Variants in SEPTIN9 observed in about 807,000 individuals in gnomAD.
SEPTIN9 encodes the protein septin-9.
Under a neutral mutation model 56.6 loss-of-function variants are expected in SEPTIN9, and 13 were observed. The observed-to-expected ratio is 0.23, with a 90% confidence interval of 0.15 to 0.37. The LOEUF is 0.37. SEPTIN9 is among the 10% of genes least tolerant of loss of function. The probability of loss-of-function intolerance (pLI) is 1.00; values close to 1 mark genes in which losing one functional copy is unlikely to be tolerated. For missense variants in SEPTIN9, 650 were observed against 823.1 expected (o/e 0.79, Z 2.57); for synonymous variants, 332 against 334.1 (o/e 0.99, Z 0.07).
rs902152982 is a variant in SEPTIN9 at position 77,433,391 on chromosome 17, G to A, written c.721+30688G>A. Reference sequence around the variant, plus strand: ...GCTAGGTCAGGGTGGGGCTGGGTGCGAGGACCCCCCCCGGCCAACAGGGTC... The same window carrying A: ...GCTAGGTCAGGGTGGGGCTGGGTGCAAGGACCCCCCCCGGCCAACAGGGTC... On this transcript the variant is annotated intron_variant, in intron 3 of 11. Coordinates refer to ENST00000427177, the MANE Select transcript of SEPTIN9 (RefSeq NM_001113491.2). This position sits in a 1 kb window ranked among gnomAD's most constrained non-coding sequence, Gnocchi z 6.4. Among the ~76,000 whole-genome samples, 31 of 149,020 alleles carry A rather than the reference G, an allele frequency of 2.1e-4. No homozygotes were observed. Among genetic ancestry groups the A allele is most frequent in the Admixed American group, 1.6e-3 (25 of 15,212 alleles).
intron 3 of SEPTIN9, among the ~76,000 whole-genome samples, chr17:77,448,244 G>A (rs2037820882): frequency 6.6e-6 from 1 of 152,144 alleles, no homozygotes; most frequent in Admixed American, 6.6e-5. Flanking sequence ...AGGCTGAGGC[G>A]GGCGGATCAA....
chr17:77,370,779 G>A (rs577649709), intron 2 of SEPTIN9, among the ~76,000 whole-genome samples: 1 of 152,296 alleles, frequency 6.6e-6, no homozygotes, highest in East Asian at 1.9e-4. Flanking sequence ...CTAGAAAAGG[G>A]GGGTGGAGGG....
At chr17:77,497,831 T>C (rs1346815469) in intron 11 of SEPTIN9, among the ~76,000 whole-genome samples, 1 of 151,292 alleles carries the variant, frequency 6.6e-6, no homozygotes, top group African/African-American at 2.4e-5. Flanking sequence ...GGGTGGGTGG[T>C]CCCTGGAGTG....
chr17:77,413,663 G>T (rs556504116), intron 3 of SEPTIN9, among the ~76,000 whole-genome samples: 23 of 147,106 alleles, frequency 1.6e-4, no homozygotes, highest in African/African-American at 4.4e-4. Context: ...CCTCCCCAAG[G>T]CTGCAGTCTT....
chr17:77,483,339 A>G (rs898945332), intron 4 of SEPTIN9: 24 of 152,756 alleles, frequency 1.6e-4, no homozygotes, highest in African/African-American at 5.6e-4. Context: ...CTGTAGCCTC[A>G]TGGGACCCGG....
At chr17:77,399,506 C>T (rs186210018) in intron 2 of SEPTIN9, among the ~76,000 whole-genome samples, 30 of 152,238 alleles carry the variant, frequency 2.0e-4, no homozygotes, top group South Asian at 1.7e-3. Flanking sequence ...CCCTGGGAAC[C>T]GCACGAGGAC....
chr17:77,367,296 G>A lies in SEPTIN9; in HGVS notation c.77-34763G>A, dbSNP rs983605476. Among the ~76,000 whole-genome samples the A allele has an allele frequency of 1.3e-5, 2 of 152,208 alleles. No individual in the cohort carries two copies. The highest frequency in any genetic ancestry group is 2.9e-5 in the Non-Finnish European group (2 of 68,036). ...CCTGGGCATGTCGAGGCTGGAGCAG[G>A]TCTGCTTGGTGGCTGGCAGAACGCA... is the stretch of plus-strand genomic sequence containing the variant. On this transcript the variant is annotated intron_variant, in intron 2 of 11. Coordinates refer to ENST00000427177, the MANE Select transcript of SEPTIN9 (RefSeq NM_001113491.2). The surrounding 1 kb of genome is among the most constrained non-coding windows in gnomAD (Gnocchi z 4.5).
rs111941435 is a variant in SEPTIN9, at chr17:77,372,480, T to C, written c.77-29579T>C. On this transcript the variant is annotated intron_variant, in intron 2 of 11. Coordinates refer to ENST00000427177, the MANE Select transcript of SEPTIN9 (RefSeq NM_001113491.2). ...GGGCCCAGAAGGGAGGGAGAAGCCC[T>C]TGGGGCAGCTCCCTTTCTGCTCACT... is the stretch of plus-strand genomic sequence containing the variant. Among the ~76,000 whole-genome samples the C allele has an allele frequency of 6.3e-3, 961 of 152,284 alleles. 12 individuals carry two copies. Among genetic ancestry groups the C allele is most frequent in the African/African-American group, 0.022 (920 of 41,552 alleles).
At chr17:77,443,124 A>G (rs770678679) in intron 3 of SEPTIN9, among the ~76,000 whole-genome samples, 36 of 151,792 alleles carry the variant, frequency 2.4e-4, no homozygotes, top group East Asian at 1.2e-3. Context: ...GCTGGGTGCA[A>G]TGTGCCCAGT....
chr17:77,354,495 G>A (rs756594966), intron 2 of SEPTIN9, among the ~76,000 whole-genome samples: 5 of 152,170 alleles, frequency 3.3e-5, no homozygotes, highest in Admixed American at 6.5e-5. Flanking sequence ...TTCCCCAAAT[G>A]CTCCTGCCCA....
At chr17:77,447,021 C>T (rs1436651767) in intron 3 of SEPTIN9, 1 of 167,110 alleles carries the variant, frequency 6.0e-6, no homozygotes, top group Non-Finnish European at 1.5e-5. Context: ...TTCATCACCC[C>T]AAAGGGAAAC....
intron 2 of SEPTIN9, among the ~76,000 whole-genome samples, chr17:77,381,021 G>A (rs991740696): frequency 1.3e-5 from 2 of 152,208 alleles, no homozygotes; most frequent in African/African-American, 4.8e-5. Flanking sequence ...TGGTTTCGCA[G>A]CCTCCAACCC....
At chr17:77,428,062 T>G (rs1198473109) in intron 3 of SEPTIN9, among the ~76,000 whole-genome samples, 1 of 152,208 alleles carries the variant, frequency 6.6e-6, no homozygotes, top group Non-Finnish European at 1.5e-5. Flanking sequence ...GGGCCCTCTG[T>G]GCATCTCCTG....
rs575859482 is a variant in SEPTIN9 at position 77,434,662 on chromosome 17, C to T, written c.721+31959C>T. On this transcript the variant is annotated intron_variant, in intron 3 of 11. Transcript: ENST00000427177. This position sits in a 1 kb window ranked among gnomAD's most constrained non-coding sequence, Gnocchi z 5.0. ...TCACGTCCAAGGCATTTGTGGGCAC[C>T]CCCGCCCCAGACGTGAGGGTTGGCA... Among the ~76,000 whole-genome samples the T allele has an allele frequency of 7.9e-5, 12 of 152,276 alleles. No individual in the cohort carries two copies. Among genetic ancestry groups the T allele is most frequent in the African/African-American group, 2.6e-4 (11 of 41,554 alleles).
chr17:77,372,114 C>T (rs1310338842), intron 2 of SEPTIN9, among the ~76,000 whole-genome samples: 1 of 152,120 alleles, frequency 6.6e-6, no homozygotes, highest in African/African-American at 2.4e-5. Context: ...TGTAGCGTTG[C>T]GGCCTGCTGC....
At chr17:77,385,946 A>G (rs1172053004) in intron 2 of SEPTIN9, among the ~76,000 whole-genome samples, 2 of 152,066 alleles carry the variant, frequency 1.3e-5, no homozygotes, top group African/African-American at 4.8e-5. Flanking sequence ...GACAGACCTC[A>G]CCGTGGCCCT....
At position 77,437,882 on chromosome 17, in the gene SEPTIN9, A is replaced by G. The variant is rs1312699172; in HGVS notation, c.721+35179A>G. Among the ~76,000 whole-genome samples the G allele has an allele frequency of 6.6e-6, 1 of 151,862 alleles. No homozygotes were observed. Among genetic ancestry groups the G allele is most frequent in the Non-Finnish European group, 1.5e-5 (1 of 67,806 alleles). ...TCTCCCTGGCCCCAGGCCAGAGGTGACAGTGGGGGCCCCTTGCTTGCGCTG... is the reference window on the plus strand; with the variant it reads ...TCTCCCTGGCCCCAGGCCAGAGGTGGCAGTGGGGGCCCCTTGCTTGCGCTG... On this transcript the variant is annotated intron_variant, in intron 3 of 11. Transcript: ENST00000427177. The surrounding 1 kb of genome is among the most constrained non-coding windows in gnomAD (Gnocchi z 5.3).
At chr17:77,407,434 C>T (rs546542429) in intron 3 of SEPTIN9, among the ~76,000 whole-genome samples, 1 of 151,948 alleles carries the variant, frequency 6.6e-6, no homozygotes, top group African/African-American at 2.4e-5. Context: ...GATGTAGTGA[C>T]CCCCATGGGT....
intron 11 of SEPTIN9, among the ~76,000 whole-genome samples, chr17:77,498,053 T>TCTGACCGAGTCTGGGC (rs2040348600): frequency 6.6e-6 from 1 of 151,820 alleles, no homozygotes; most frequent in South Asian, 2.1e-4. Context: ...CCAGGACTTT[T>TCTGACCGAGTCTGGGC]TTTTCCTGGG....
Sources: gnomAD v4.1 joint callset for allele counts (sites outside exome capture counted in the v4.1 genomes callset) on GRCh38, gnomAD v4.1.1 for gene constraint, Gnocchi (gnomAD v3.1) non-coding constraint, MANE v1.5 for transcripts, NCBI Gene and HGNC (gene_info 2026-07-23, HGNC 2026-07-21) for gene names.